Variants in EYS observed in about 807,000 individuals in gnomAD.
EYS encodes the protein protein eyes shut homolog.
Under a neutral mutation model 282.1 loss-of-function variants are expected in EYS, and 250 were observed. The ratio of observed to expected loss-of-function variants is 0.89; its 90% confidence interval spans 0.80 to 0.98. EYS has a LOEUF of 0.98. Ranked by LOEUF, EYS falls within the 50% of genes least tolerant of loss-of-function variation. The pLI is 0.00. For synonymous variants in EYS, 1,355 were observed against 1,282.9 expected (o/e 1.06, Z -1.20); for missense variants, 4,016 against 3,709.0 (o/e 1.08, Z -2.15).
chr6:64,847,880 C>G (rs2150039482), intron 19 of EYS, among the ~76,000 whole-genome samples: 1 of 152,190 alleles, frequency 6.6e-6, no homozygotes, highest in East Asian at 1.9e-4. Flanking sequence ...TTACATCTAT[C>G]AATGCTGATT....
intron 19 of EYS, among the ~76,000 whole-genome samples, chr6:64,843,335 C>T (rs2643787): frequency 0.56 from 84,583 of 151,970 alleles, 24,273 homozygotes; most frequent in Non-Finnish European, 0.62. Flanking sequence ...GATCCACTGA[C>T]AGCTTGCACA....
intron 35 of EYS, among the ~76,000 whole-genome samples, chr6:63,968,057 T>C (rs930811602): frequency 2.6e-5 from 4 of 152,124 alleles, no homozygotes; most frequent in Admixed American, 2.0e-4. Context: ...CAAGTACCAC[T>C]AGAATTTCTG....
At chr6:64,863,872 C>T (rs1365890943) in intron 19 of EYS, among the ~76,000 whole-genome samples, 3 of 152,130 alleles carry the variant, frequency 2.0e-5, no homozygotes, top group Non-Finnish European at 4.4e-5. Flanking sequence ...TGAGAAGCTG[C>T]CTCCTTTCTA....
At chr6:64,028,645 C>T (rs1005329053) in intron 33 of EYS, among the ~76,000 whole-genome samples, 2 of 152,178 alleles carry the variant, frequency 1.3e-5, no homozygotes, top group East Asian at 1.9e-4. Context: ...TCCCAACTTA[C>T]GTGGATGGTC....
At chr6:64,567,981 G>A (rs535895843) in intron 26 of EYS, among the ~76,000 whole-genome samples, 45 of 152,294 alleles carry the variant, frequency 3.0e-4, no homozygotes, top group African/African-American at 9.4e-4. Context: ...CTTCTGCACA[G>A]ATTGTGGGAA....
intron 12 of EYS, among the ~76,000 whole-genome samples, chr6:65,246,430 T>C (rs1039193889): frequency 2.0e-5 from 3 of 152,138 alleles, no homozygotes; most frequent in African/African-American, 7.2e-5. Flanking sequence ...ATTATTCATG[T>C]CTTATGGTAT....
intron 29 of EYS, among the ~76,000 whole-genome samples, chr6:64,310,028 T>A (rs1769616131): frequency 6.9e-6 from 1 of 144,964 alleles, no homozygotes. Context: ...AGATACCATC[T>A]CACACCAGTC....
At chr6:65,157,351 G>GAA (rs1398152633) in intron 12 of EYS, among the ~76,000 whole-genome samples, 1 of 150,644 alleles carries the variant, frequency 6.6e-6, no homozygotes, top group Non-Finnish European at 1.5e-5. Flanking sequence ...ATCTTATTTA[G>GAA]AATCTCTAAT....
At chr6:64,078,701 C>G (rs1771855151) in intron 32 of EYS, among the ~76,000 whole-genome samples, 1 of 151,920 alleles carries the variant, frequency 6.6e-6, no homozygotes, top group South Asian at 2.1e-4. Flanking sequence ...ATAATCGTTA[C>G]AGTGGGATTA....
chr6:63,956,270 C>T lies in EYS; in HGVS notation c.7055+28113G>A, dbSNP rs557800344. Among the ~76,000 whole-genome samples the T allele has an allele frequency of 1.2e-4, 19 of 152,248 alleles. No homozygotes were observed. The South Asian group carries it at 3.9e-3, about 32-fold the overall frequency. ...GTTCCTGCCTTAACTGGTGACATTA[C>T]CTTGTGAAATTCCTTCTCCTAGCTC... On this transcript the variant is annotated intron_variant, in intron 35 of 42. Transcript: ENST00000503581.
intron 12 of EYS, among the ~76,000 whole-genome samples, chr6:65,222,998 G>T (rs1040720277): frequency 5.9e-5 from 9 of 152,108 alleles, no homozygotes; most frequent in African/African-American, 2.2e-4. Context: ...TAAGAGTACA[G>T]ACCTAAGGAC....
intron 29 of EYS, among the ~76,000 whole-genome samples, 183 bp downstream of exon 29, chr6:64,388,507 T>C (rs1485331313): frequency 6.6e-6 from 1 of 152,186 alleles, no homozygotes; most frequent in Non-Finnish European, 1.5e-5. Flanking sequence ...ACTTCTATTA[T>C]ACTTTGGTAT....
At chr6:64,174,013 A>G (rs1461079557) in intron 31 of EYS, among the ~76,000 whole-genome samples, 2 of 152,182 alleles carry the variant, frequency 1.3e-5, no homozygotes, top group Non-Finnish European at 2.9e-5. Context: ...ATCTTGCCAT[A>G]TGTGACAACA....
chr6:64,975,207 C>T (rs1419252723), intron 14 of EYS, among the ~76,000 whole-genome samples: 2 of 151,712 alleles, frequency 1.3e-5, no homozygotes, highest in Non-Finnish European at 2.9e-5. Context: ...GAAACTGCAC[C>T]ACTTATTGAA....
chr6:65,042,589 C>G (rs902095406), intron 13 of EYS, among the ~76,000 whole-genome samples: 1 of 151,216 alleles, frequency 6.6e-6, no homozygotes, highest in African/African-American at 2.4e-5. Flanking sequence ...AATTTTACAC[C>G]AGTATGGTTC....
intron 31 of EYS, among the ~76,000 whole-genome samples, chr6:64,152,769 C>A (rs1774785305): frequency 6.6e-6 from 1 of 152,120 alleles, no homozygotes; most frequent in African/African-American, 2.4e-5. Context: ...TTCACAATAT[C>A]TTTGACTAAA....
At chr6:65,327,641 C>T (rs1288560348) in intron 11 of EYS, among the ~76,000 whole-genome samples, 1 of 151,420 alleles carries the variant, frequency 6.6e-6, no homozygotes. Context: ...ATGTATCCTA[C>T]CTACACACCT....
intron 33 of EYS, among the ~76,000 whole-genome samples, chr6:64,056,383 C>T (rs761650495): frequency 2.6e-5 from 4 of 152,176 alleles, no homozygotes; most frequent in Non-Finnish European, 5.9e-5. Context: ...GTATCAGATT[C>T]GCCTGTTGGT....
intron 19 of EYS, among the ~76,000 whole-genome samples, chr6:64,843,660 A>T (rs2812795): frequency 0.71 from 107,846 of 152,036 alleles, 38,653 homozygotes; most frequent in Admixed American, 0.76. Context: ...CTAGCTTCCT[A>T]TTGATTTTAC....
Sources: allele counts gnomAD v4.1 joint callset (sites outside exome capture counted in the v4.1 genomes callset), GRCh38; gene constraint gnomAD v4.1.1; transcripts MANE v1.5; gene names NCBI Gene and HGNC (gene_info 2026-07-23, HGNC 2026-07-21).